Variants in EVC2 observed in about 807,000 individuals in gnomAD.
EVC2 encodes the protein EvC ciliary complex subunit 2, also known as limbin.
In EVC2, 148 loss-of-function variants were observed where a neutral mutation model predicts 149.3. The observed-to-expected ratio is 0.99, with a 90% CI of 0.87 to 1.14. EVC2 has a LOEUF of 1.14. EVC2 is among the 50% of genes most tolerant of loss of function. The pLI, the probability that EVC2 is intolerant of heterozygous loss-of-function variation, is 0.00. For synonymous variants in EVC2, 776 were observed against 649.9 expected, an observed-to-expected ratio of 1.19 and a Z score of -2.95; for missense variants, 1,854 against 1,627.3, an observed-to-expected ratio of 1.14 and a Z score of -2.40.
rs1722487445 is a variant in EVC2, at chr4:5,569,035, G to C, written c.3361-395C>G. 6.6e-6 allele frequency among the ~76,000 whole-genome samples: 1 copy of C among 152,200 alleles called. No homozygotes were observed. The highest frequency in any genetic ancestry group is 2.4e-5 in the African/African-American group (1 of 41,450). ...CAACAGAAGTGTCCCTAAACCAGTG[G>C]ACAATTGAAGACACTGTGCTATACC... is the stretch of plus-strand genomic sequence containing the variant. On this transcript the variant is annotated intron_variant, in intron 19 of 21. Coordinates refer to ENST00000344408, the MANE Select transcript of EVC2 (RefSeq NM_147127.5). This position sits in a 1 kb window ranked among gnomAD's most constrained non-coding sequence, Gnocchi z 4.8.
At chr4:5,575,216 T>C (rs1000190527) in intron 18 of EVC2, among the ~76,000 whole-genome samples, 6 of 152,224 alleles carry the variant, frequency 3.9e-5, no homozygotes, top group African/African-American at 1.4e-4. Flanking sequence ...CGAGGGGGTC[T>C]GCTTAACACA....
chr4:5,584,100 G>A (rs939538777), intron 17 of EVC2, among the ~76,000 whole-genome samples: 1 of 151,844 alleles, frequency 6.6e-6, no homozygotes, highest in African/African-American at 2.4e-5. Flanking sequence ...CTTATTATAA[G>A]TAATTATGAT....
downstream of EVC2, among the ~76,000 whole-genome samples, chr4:5,559,540 G>A (rs534881697): frequency 1.4e-4 from 22 of 152,254 alleles, no homozygotes; most frequent in Admixed American, 3.9e-4. This position sits in a 1 kb window ranked among gnomAD's most constrained non-coding sequence, Gnocchi z 5.0. Flanking sequence ...GAATATAAAC[G>A]ATGCGAATCT....
intron 19 of EVC2, among the ~76,000 whole-genome samples, chr4:5,571,995 G>T (rs1461511976): frequency 6.6e-6 from 1 of 152,174 alleles, no homozygotes; most frequent in Non-Finnish European, 1.5e-5. Flanking sequence ...CAGCCTGCAG[G>T]CCAACCCTGC....
chr4:5,690,394 T>A (rs1343608193), intron 4 of EVC2, among the ~76,000 whole-genome samples: 3 of 147,948 alleles, frequency 2.0e-5, no homozygotes, highest in African/African-American at 7.9e-5. Context: ...CTGATTACAG[T>A]GTGGGTTGTT....
intron 16 of EVC2, among the ~76,000 whole-genome samples, chr4:5,605,367 T>A (rs1714306274): frequency 6.6e-6 from 1 of 152,112 alleles, no homozygotes. Context: ...GCCTCTGAAA[T>A]CTTGATTTTT....
rs149749782 is a variant in EVC2, at chr4:5,646,192, A to G, written c.1146-5354T>C. On this transcript the variant is annotated intron_variant, in intron 9 of 21. Coordinates refer to ENST00000344408, the MANE Select transcript of EVC2 (RefSeq NM_147127.5). ...GTGATCCACCTCCCTCGGTCTCCCA[A>G]GGTGCTGGGATTACAGGCATAAGCC... is the stretch of plus-strand genomic sequence containing the variant. Among the ~76,000 whole-genome samples, 961 of 152,288 alleles carry G rather than the reference A, an allele frequency of 6.3e-3. 7 individuals are homozygous for G. The highest frequency in any genetic ancestry group is 0.017 in the Middle Eastern group (5 of 294).
At chr4:5,571,305 G>A in intron 19 of EVC2, among the ~76,000 whole-genome samples, 1 of 103,462 alleles carries the variant, frequency 9.7e-6, no homozygotes. Context: ...GTGACAGAGT[G>A]AGACTCCATC....
intron 1 of EVC2, among the ~76,000 whole-genome samples, chr4:5,707,337 A>T (rs1722272353): frequency 6.6e-6 from 1 of 152,134 alleles, no homozygotes; most frequent in South Asian, 2.1e-4. Context: ...CAGTGTCGCA[A>T]GTGTCCTGGG....
At chr4:5,699,100 A>C (rs1459211356) in intron 1 of EVC2, among the ~76,000 whole-genome samples, 2 of 152,140 alleles carry the variant, frequency 1.3e-5, no homozygotes, top group African/African-American at 2.4e-5. Context: ...TTTCCCCCAA[A>C]GGTGTGGAGG....
At position 5,622,673 on chromosome 4, in the gene EVC2, C is replaced by G. The variant is rs765883164; in HGVS notation, c.2365G>C (p.Glu789Gln). 2 of 1,613,990 alleles carry G rather than the reference C, an allele frequency of 1.2e-6. No individual in the cohort carries two copies. Among genetic ancestry groups the G allele is most frequent in the African/African-American group, 2.7e-5 (2 of 74,912 alleles). Residue 789 changes from glutamate to glutamine, a missense_variant, in exon 14 of 22, where the codon GAG becomes CAG. By Grantham distance (29) the Glu-to-Gln change is conservative. Coordinates refer to ENST00000344408, the MANE Select transcript of EVC2 (RefSeq NM_147127.5). The surrounding 1 kb of genome is among the most constrained non-coding windows in gnomAD (Gnocchi z 5.8). ...TCCCTCTCCTCCCCCTCCAGCTGCT[C>G]GGCCCGTGCAGCCATCTCCTTGCCG... is the stretch of plus-strand genomic sequence containing the variant. ...EHGKEMAARAEQLEGEERDRD... is the reference protein window; with the variant it reads ...EHGKEMAARAQQLEGEERDRD...
In EVC2 at chr4:5,589,893, C is replaced by A. The variant is rs568115692; in HGVS notation, c.2830-5043G>T. Among the ~76,000 whole-genome samples the A allele has an allele frequency of 6.6e-5, 10 of 152,118 alleles. No individual in the cohort carries two copies. In the East Asian group the frequency reaches 1.2e-3, roughly 18 times the overall value. On this transcript the variant is annotated intron_variant, in intron 16 of 21. Transcript: ENST00000344408. ...CATTGGAGTGTTTAACAAATATTGC[C>A]GTTGTTAATACTCTTATTACCTAAG...
intron 7 of EVC2, 74 bp from the exon 8 acceptor site, chr4:5,665,723 G>C: frequency 6.3e-7 from 1 of 1,583,976 alleles, no homozygotes. Flanking sequence ...AGATGATTGA[G>C]TGTCAGAGCA....
At chr4:5,646,088 C>T (rs143668066) in intron 9 of EVC2, among the ~76,000 whole-genome samples, 266 of 152,238 alleles carry the variant, frequency 1.7e-3, no homozygotes, top group African/African-American at 5.9e-3. Flanking sequence ...TGTGCCACCA[C>T]GTCTAGCTAA....
intron 16 of EVC2, among the ~76,000 whole-genome samples, chr4:5,606,830 T>C (rs1714428420): frequency 6.6e-6 from 1 of 152,110 alleles, no homozygotes; most frequent in Non-Finnish European, 1.5e-5. Context: ...AATCAACAGA[T>C]AAATCCTAGG....
chr4:5,645,627 G>A (rs1056433058), intron 9 of EVC2, among the ~76,000 whole-genome samples: 1 of 152,180 alleles, frequency 6.6e-6, no homozygotes, highest in Non-Finnish European at 1.5e-5. Context: ...ATTCCATGGT[G>A]TATATGTACC....
chr4:5,680,428 G>C (rs1720262153), intron 7 of EVC2, among the ~76,000 whole-genome samples: 1 of 152,120 alleles, frequency 6.6e-6, no homozygotes, highest in Non-Finnish European at 1.5e-5. Flanking sequence ...TTATCACTAG[G>C]TGACAGGAAT....
chr4:5,615,875 C>G (rs1193839315), intron 15 of EVC2, among the ~76,000 whole-genome samples: 1 of 152,228 alleles, frequency 6.6e-6, no homozygotes, highest in Non-Finnish European at 1.5e-5. Flanking sequence ...GTCAGCCTCT[C>G]TGAGAAGGGG....
At chr4:5,687,546 G>C (rs1720808770) in intron 5 of EVC2, among the ~76,000 whole-genome samples, 1 of 152,176 alleles carries the variant, frequency 6.6e-6, no homozygotes, top group Non-Finnish European at 1.5e-5. Context: ...GGGGCAGGTA[G>C]TCTCTGTGGA....
Sources: allele counts gnomAD v4.1 joint callset (sites outside exome capture counted in the v4.1 genomes callset), GRCh38; gene constraint gnomAD v4.1.1; non-coding constraint Gnocchi (gnomAD v3.1); transcripts MANE v1.5; gene names NCBI Gene and HGNC (gene_info 2026-07-23, HGNC 2026-07-21).